Variants in GUCY1A1 observed in about 807,000 individuals in gnomAD.
The protein encoded by GUCY1A1 is guanylate cyclase 1 soluble subunit alpha 1, also known as guanylate cyclase soluble subunit alpha-1.
Under a neutral mutation model 64.5 loss-of-function variants are expected in GUCY1A1, and 48 were observed. The ratio of observed to expected loss-of-function variants is 0.74; its 90% CI spans 0.59 to 0.95. GUCY1A1 has a LOEUF of 0.95. Ranked by LOEUF, GUCY1A1 falls within the 40% of genes least tolerant of loss-of-function variation. The pLI, the probability that GUCY1A1 is intolerant of heterozygous loss-of-function variation, is 0.00. For synonymous variants in GUCY1A1, 308 were observed against 303.4 expected (o/e 1.02, Z -0.16); for missense variants, 804 against 825.3 (o/e 0.97, Z 0.32).
intron 8 of GUCY1A1, 104 bp from the exon 9 acceptor site, chr4:155,721,934 C>G: frequency 1.2e-6 from 1 of 822,640 alleles, no homozygotes; most frequent in Non-Finnish European, 2.0e-6. Flanking sequence ...GGGTGGTGTC[C>G]TGAGGGTGAA....
chr4:155,708,166 T>C, intron 4 of GUCY1A1, 70 bp from the exon 5 acceptor site: 1 of 800,086 alleles, frequency 1.2e-6, no homozygotes, highest in Non-Finnish European at 2.1e-6. Context: ...TCATTGTTTC[T>C]GTATATTATA....
In GUCY1A1 at chr4:155,730,415, T is replaced by C. The variant is rs1735404548; in HGVS notation, c.*184T>C. 2 of 369,946 alleles carry C rather than the reference T, an allele frequency of 5.4e-6. No homozygotes were observed. The highest frequency in any genetic ancestry group is 1.0e-4 in the Admixed American group (2 of 20,020). The allele number at this position is 369,946 out of a possible 1,614,324, so 22.9% of individuals were successfully genotyped here. ...GTACTCACTTCAGTACTTCAGCTCTTCAAGAAAAAAAAAAAAAACCTTAAA... is the reference window on the plus strand; with the variant it reads ...GTACTCACTTCAGTACTTCAGCTCTCCAAGAAAAAAAAAAAAAACCTTAAA... On this transcript the variant is annotated 3_prime_UTR_variant, in exon 10 of 10. Transcript: ENST00000506455.
chr4:155,678,992 G>C (rs1392558196), intron 2 of GUCY1A1, among the ~76,000 whole-genome samples: 1 of 152,114 alleles, frequency 6.6e-6, no homozygotes, highest in African/African-American at 2.4e-5. Flanking sequence ...TTTTAAAATG[G>C]AATTGTTTAT....
chr4:155,728,368 C>T (rs1353599167), intron 9 of GUCY1A1, among the ~76,000 whole-genome samples: 1 of 151,740 alleles, frequency 6.6e-6, no homozygotes, highest in African/African-American at 2.4e-5. Flanking sequence ...TTGGCTCTCA[C>T]AAGCCAGTAT....
chr4:155,715,283 G>A (rs2126889373), intron 7 of GUCY1A1, among the ~76,000 whole-genome samples: 1 of 152,248 alleles, frequency 6.6e-6, no homozygotes, highest in Non-Finnish European at 1.5e-5. Flanking sequence ...CCCTATGAGT[G>A]CCAATGGCTT....
At chr4:155,723,558 T>C (rs1297267559) in intron 9 of GUCY1A1, among the ~76,000 whole-genome samples, 1 of 152,156 alleles carries the variant, frequency 6.6e-6, no homozygotes. Context: ...AGCTAAATTA[T>C]ACTAAGCAAG....
intron 3 of GUCY1A1, 84 bp downstream of exon 3, chr4:155,697,206 C>A: frequency 1.0e-6 from 1 of 962,572 alleles, no homozygotes; most frequent in Non-Finnish European, 1.6e-6. Context: ...TTAAACACTT[C>A]CTTTCTCACT....
chr4:155,673,201 CTTCTT>C (rs1160796325), intron 2 of GUCY1A1, among the ~76,000 whole-genome samples: 1 of 151,298 alleles, frequency 6.6e-6, no homozygotes, highest in Non-Finnish European at 1.5e-5. Context: ...TTATAACACT[CTTCTT>C]AGAGACTCAG....
chr4:155,669,617 T>G (rs990851413), intron 2 of GUCY1A1, among the ~76,000 whole-genome samples: 3 of 152,142 alleles, frequency 2.0e-5, no homozygotes, highest in African/African-American at 7.2e-5. Context: ...GCTATTTTAA[T>G]ATTTCACTAC....
chr4:155,688,418 G>A (rs753404194), intron 2 of GUCY1A1, among the ~76,000 whole-genome samples: 3 of 152,142 alleles, frequency 2.0e-5, no homozygotes, highest in Non-Finnish European at 4.4e-5. Flanking sequence ...ATGATGTCAT[G>A]TAATCATCAA....
chr4:155,710,426 A>G (rs1257057831), intron 5 of GUCY1A1, 116 bp from the exon 6 acceptor site: 1 of 646,546 alleles, frequency 1.5e-6, no homozygotes, highest in South Asian at 2.1e-5. Context: ...AAATGTTATT[A>G]GCAGATATAA....
intron 2 of GUCY1A1, among the ~76,000 whole-genome samples, chr4:155,673,082 T>C (rs1734369424): frequency 6.8e-6 from 1 of 146,758 alleles, no homozygotes; most frequent in Admixed American, 6.6e-5. Context: ...GCTCTTCCTA[T>C]ATCTAATAAA....
intron 2 of GUCY1A1, among the ~76,000 whole-genome samples, chr4:155,678,895 A>G (rs556059963): frequency 1.3e-5 from 2 of 152,198 alleles, no homozygotes; most frequent in Non-Finnish European, 2.9e-5. Context: ...TTTTTGTTTA[A>G]TAACTAATAA....
chr4:155,683,898 G>T (rs1736174605), intron 2 of GUCY1A1, among the ~76,000 whole-genome samples: 2 of 152,084 alleles, frequency 1.3e-5, no homozygotes, highest in Non-Finnish European at 2.9e-5. Flanking sequence ...AAGAAAGGAG[G>T]GCTTCTCAGC....
At chr4:155,677,783 C>T (rs868647257) in intron 2 of GUCY1A1, among the ~76,000 whole-genome samples, 1 of 151,932 alleles carries the variant, frequency 6.6e-6, no homozygotes, top group Non-Finnish European at 1.5e-5. Flanking sequence ...ACCTGGGAGG[C>T]GGAGGTTGCA....
At position 155,720,958 on chromosome 4, in the gene GUCY1A1, T is replaced by G. The variant is rs116279286; in HGVS notation, c.1717-1080T>G. ...CATCAAGTAATCAGACCTTTGAAGA[T>G]TCCATTGTTAAATATCCTGCTTTGG... On this transcript the variant is annotated intron_variant, in intron 8 of 9. Transcript: ENST00000506455. Among the ~76,000 whole-genome samples, 791 of 152,270 alleles carry G rather than the reference T, an allele frequency of 5.2e-3. 3 individuals carry two copies. The highest frequency in any genetic ancestry group is 0.017 in the African/African-American group (726 of 41,578).
intron 2 of GUCY1A1, among the ~76,000 whole-genome samples, chr4:155,674,471 T>A (rs899772144): frequency 2.0e-5 from 3 of 151,510 alleles, no homozygotes; most frequent in Non-Finnish European, 2.9e-5. Context: ...ATGTTTAAAA[T>A]AAAGAAGGGT....
Position 155,711,070 on chromosome 4 carries a change from G to A in GUCY1A1, c.905G>A (p.Gly302Asp). The A allele has an allele frequency of 3.1e-6, 5 of 1,613,930 alleles. No homozygotes were observed. Among genetic ancestry groups the A allele is most frequent in the Non-Finnish European group, 4.2e-6 (5 of 1,179,854 alleles). Reference sequence around the variant, plus strand: ...AAAGATATGACAATTCTGCAATTTGGCAATGGCATCAGAAGGCTGATGAAC... The same window carrying A: ...AAAGATATGACAATTCTGCAATTTGACAATGGCATCAGAAGGCTGATGAAC... ...FDKDMTILQF[G>D]NGIRRLMNRR... The change falls in exon 6 of 10, where the codon GGC (glycine) becomes GAC (aspartate). Residue 302 changes from glycine to aspartate, a missense_variant. Transcript: ENST00000506455.
rs569378663 is a variant in GUCY1A1, at chr4:155,718,077, A to G, written c.1716+775A>G. 1.8e-3 allele frequency among the ~76,000 whole-genome samples: 271 copies of G among 152,286 alleles called. 2 individuals carry two copies. Among genetic ancestry groups the G allele is most frequent in the Middle Eastern group, 3.4e-3 (1 of 294 alleles). On this transcript the variant is annotated intron_variant, in intron 8 of 9. Coordinates refer to ENST00000506455, the MANE Select transcript of GUCY1A1 (RefSeq NM_001130682.3). ...ATTCCAGACTAATATCTCACCACAC[A>G]TGAGGAAATAAAGTTAACATGGTAG...
Sources: allele counts gnomAD v4.1 joint callset (sites outside exome capture counted in the v4.1 genomes callset), GRCh38; gene constraint gnomAD v4.1.1; transcripts MANE v1.5; gene names NCBI Gene and HGNC (gene_info 2026-07-23, HGNC 2026-07-21).